FCER1A: variants seen among roughly 807,000 people sequenced by gnomAD.
FCER1A encodes high affinity immunoglobulin epsilon receptor subunit alpha.
FCER1A carries 24 observed loss-of-function variants against 23.6 expected under a neutral mutation model. The ratio of observed to expected loss-of-function variants is 1.02; its 90% CI spans 0.74 to 1.43. FCER1A has a LOEUF of 1.43. Ranked by LOEUF, FCER1A falls within the 40% of genes most tolerant of loss-of-function variation. The pLI is 0.00. For synonymous variants in FCER1A, 121 were observed against 108.8 expected, an observed-to-expected ratio of 1.11 and a Z score of -0.70; for missense variants, 318 against 294.5, an observed-to-expected ratio of 1.08 and a Z score of -0.58.
chr1:159,294,139 A>G (rs553331580), intron 1 of FCER1A, among the ~76,000 whole-genome samples: 66 of 152,270 alleles, frequency 4.3e-4, no homozygotes, highest in African/African-American at 1.5e-3. Context: ...AACTAGTTCA[A>G]CCCTTGTGGA....
intron 1 of FCER1A, among the ~76,000 whole-genome samples, chr1:159,292,993 C>G (rs1395031392): frequency 6.6e-6 from 1 of 151,904 alleles, no homozygotes; most frequent in African/African-American, 2.4e-5. Context: ...AGAATGTCCT[C>G]ACCAGATAGA....
chr1:159,292,979 A>G (rs1652193979), intron 1 of FCER1A, among the ~76,000 whole-genome samples: 4 of 152,074 alleles, frequency 2.6e-5, no homozygotes. Context: ...GTCCCCATTA[A>G]GAAAGAATGT....
At chr1:159,297,378 C>T (rs1055136298), upstream of FCER1A, among the ~76,000 whole-genome samples, 1 of 152,150 alleles carries the variant, frequency 6.6e-6, no homozygotes, top group Admixed American at 6.5e-5. Flanking sequence ...GGTTCTTCAT[C>T]CTCAGGACAG....
chr1:159,302,420 G>A lies in FCER1A; in HGVS notation c.55+1G>A, dbSNP rs1200747562. On this transcript the variant is annotated splice_donor_variant, in intron 1 of 4. Transcript: ENST00000693622. LOFTEE classifies it high-confidence loss of function. ...CTGTGTGTAGCCTTACTGTTCTTCG[G>A]TAAGTAGAGATTCAATTACCCCTCC... The A allele has an allele frequency of 1.2e-6, 2 of 1,605,952 alleles. No homozygotes were observed. The highest frequency in any genetic ancestry group is 1.7e-5 in the Admixed American group (1 of 59,998).
In FCER1A at chr1:159,302,838, C is replaced by G. The variant is rs143021708; in HGVS notation, c.56-16C>G. ...AGACTGCTGGACACTAATGTATCCT[C>G]TCTGGACTTTTGCAGCTCCAGATGG... On this transcript the variant is annotated splice_polypyrimidine_tract_variant and intron_variant, in intron 1 of 4. Coordinates refer to ENST00000693622, the MANE Select transcript of FCER1A (RefSeq NM_001387280.1). 6.2e-7 allele frequency: 1 copy of G among 1,612,986 alleles called. No homozygotes were observed. The highest frequency in any genetic ancestry group is 1.7e-5 in the Admixed American group (1 of 60,008).
Position 159,290,517 on chromosome 1 carries a change from C to T in FCER1A, c.-60+764C>T, listed in dbSNP as rs552924793. Among the ~76,000 whole-genome samples the T allele has an allele frequency of 2.0e-5, 3 of 152,180 alleles. No individual in the cohort carries two copies. The South Asian group carries it at 6.2e-4, about 32-fold the overall frequency. On this transcript the variant is annotated intron_variant, in intron 1 of 5. Transcript: ENST00000368115. ...TATTGGAGGGAATAATTAAGTTATC[C>T]CAAATGTTGTGGCCAAAGTGCTGGA...
upstream of FCER1A, among the ~76,000 whole-genome samples, chr1:159,287,740 A>C (rs1169516313): frequency 1.3e-5 from 2 of 148,152 alleles, no homozygotes; most frequent in African/African-American, 4.9e-5. Context: ...GTATATAGGC[A>C]TATTTATATA....
At chr1:159,298,270 G>A (rs1022425595), upstream of FCER1A, among the ~76,000 whole-genome samples, 5 of 151,776 alleles carry the variant, frequency 3.3e-5, no homozygotes, top group African/African-American at 1.2e-4. Context: ...CGCCTTGGAT[G>A]TTTTCTCCCC....
upstream of FCER1A, chr1:159,289,622 T>C (rs1652097421): frequency 6.6e-6 from 1 of 152,196 alleles, no homozygotes; most frequent in Non-Finnish European, 1.5e-5. Context: ...TAAAACAGTC[T>C]CATTGGAGTT....
chr1:159,299,433 C>G (rs1652374053), upstream of FCER1A, among the ~76,000 whole-genome samples: 2 of 152,172 alleles, frequency 1.3e-5, no homozygotes, highest in South Asian at 4.1e-4. Flanking sequence ...CACAAAAGTT[C>G]CTGCCCAAAG....
Position 159,307,794 on chromosome 1 carries a change from G to T in FCER1A, c.636G>T (p.Val212=). ...TACAATTTTTTATCCCATTGTTGGTGGTGATTCTGTTTGCTGTGGACACAG... is the reference window on the plus strand; with the variant it reads ...TACAATTTTTTATCCCATTGTTGGTTGTGATTCTGTTTGCTGTGGACACAG... The part of the protein sequence containing the change: ...YWLQFFIPLL[V]VILFAVDTGL... Residue 212 remains valine, a synonymous_variant, in exon 5 of 5, where the codon GTG becomes GTT. Coordinates refer to ENST00000693622, the MANE Select transcript of FCER1A (RefSeq NM_001387280.1). The T allele has an allele frequency of 6.2e-7, 1 of 1,612,620 alleles. No individual in the cohort carries two copies. The highest frequency in any genetic ancestry group is 2.2e-5 in the East Asian group (1 of 44,876).
At position 159,306,094 on chromosome 1, in the gene FCER1A, T is replaced by C. The variant is rs1057336380; in HGVS notation, c.438T>C (p.Tyr146=). 1.2e-6 allele frequency: 2 copies of C among 1,614,058 alleles called. No individual in the cohort carries two copies. The highest frequency in any genetic ancestry group is 1.7e-6 in the Non-Finnish European group (2 of 1,180,036). Reference sequence around the variant, plus strand: ...GGGATGTGTACAAGGTGATCTATTATAAGGATGGTGAAGCTCTCAAGTACT... The same window carrying C: ...GGGATGTGTACAAGGTGATCTATTACAAGGATGGTGAAGCTCTCAAGTACT... ...RNWDVYKVIY[Y]KDGEALKYWY... is the part of the protein sequence containing the mutation. The change falls in exon 4 of 5, where the codon TAT becomes TAC. Residue 146 remains tyrosine (Y), a synonymous_variant. Transcript: ENST00000693622.
chr1:159,293,168 CTGTGTG>C (rs10632832), intron 1 of FCER1A, among the ~76,000 whole-genome samples: 54 of 145,902 alleles, frequency 3.7e-4, no homozygotes, highest in Middle Eastern at 6.9e-3. Context: ...TACATACACA[CTGTGTG>C]TGTGTGTGTG....
At chr1:159,297,804 A>T (rs6685532), upstream of FCER1A, among the ~76,000 whole-genome samples, 2 of 151,534 alleles carry the variant, frequency 1.3e-5, no homozygotes. Context: ...TCTTGGGAGG[A>T]TGAGGTGGGA....
At chr1:159,298,719 C>T (rs536412501), upstream of FCER1A, among the ~76,000 whole-genome samples, 7 of 152,268 alleles carry the variant, frequency 4.6e-5, 1 homozygote, top group South Asian at 1.5e-3. Context: ...TCTTTTTAGG[C>T]ATGTCCATGA....
At chr1:159,286,690 T>C (rs565955444), upstream of FCER1A, among the ~76,000 whole-genome samples, 5 of 152,344 alleles carry the variant, frequency 3.3e-5, no homozygotes, top group South Asian at 1.0e-3. Context: ...CCATTTCTTT[T>C]ACATTTAGTC....
upstream of FCER1A, among the ~76,000 whole-genome samples, chr1:159,288,108 T>A (rs1652061336): frequency 6.6e-6 from 1 of 152,216 alleles, no homozygotes; most frequent in African/African-American, 2.4e-5. Context: ...TCTTCTGGCA[T>A]GCATTTTAAT....
At position 159,307,784 on chromosome 1, in the gene FCER1A, C is replaced by T. The variant is rs200302228; in HGVS notation, c.626C>T (p.Pro209Leu). 87 of 1,611,770 alleles carry T rather than the reference C, an allele frequency of 5.4e-5. No homozygotes were observed. Among genetic ancestry groups the T allele is most frequent in the South Asian group, 2.2e-4 (20 of 90,854 alleles). Residue 209 changes from proline to leucine, a missense_variant, in exon 5 of 5, where the codon CCA (proline) becomes CTA (leucine). Pro to Leu is a moderately conservative substitution (Grantham distance 98). Coordinates refer to ENST00000693622, the MANE Select transcript of FCER1A (RefSeq NM_001387280.1). ...REKYWLQFFI[P>L]LLVVILFAVD... The stretch of plus-strand genomic sequence containing the variant: ...AAGTACTGGCTACAATTTTTTATCC[C>T]ATTGTTGGTGGTGATTCTGTTTGCT...
intron 1 of FCER1A, among the ~76,000 whole-genome samples, chr1:159,290,989 C>A (rs1029714047): frequency 6.6e-6 from 1 of 152,102 alleles, no homozygotes; most frequent in Non-Finnish European, 1.5e-5. Flanking sequence ...TTCTGTAATG[C>A]AAATTAGTCT....
Sources: allele counts gnomAD v4.1 joint callset (sites outside exome capture counted in the v4.1 genomes callset), GRCh38; gene constraint gnomAD v4.1.1; transcripts MANE v1.5; gene names NCBI Gene and HGNC (gene_info 2026-07-23, HGNC 2026-07-21).